PHTF2: variants seen among roughly 807,000 people sequenced by gnomAD.
PHTF2 encodes putative homeodomain transcription factor 2, also known as protein PHTF2.
In PHTF2, 60 loss-of-function variants were observed where a neutral mutation model predicts 101.2. The observed-to-expected ratio is 0.59, with a 90% CI of 0.48 to 0.73. PHTF2 has a LOEUF of 0.73. Among genes scored for constraint, PHTF2 ranks in the 30% least tolerant of loss-of-function variants. The pLI, the probability that PHTF2 is intolerant of heterozygous loss-of-function variation, is 0.00. For synonymous variants in PHTF2, 311 were observed against 307.3 expected, an observed-to-expected ratio of 1.01 and a Z score of -0.13; for missense variants, 747 against 908.7, an observed-to-expected ratio of 0.82 and a Z score of 2.29.
chr7:77,934,780 C>T (rs923526549), intron 12 of PHTF2, among the ~76,000 whole-genome samples: 1 of 151,940 alleles, frequency 6.6e-6, no homozygotes, highest in Non-Finnish European at 1.5e-5. Context: ...AACTCCATCT[C>T]TATTAAAAAT....
At chr7:77,812,790 T>C (rs760566175) in intron 1 of PHTF2, among the ~76,000 whole-genome samples, 9 of 152,142 alleles carry the variant, frequency 5.9e-5, no homozygotes, top group South Asian at 2.1e-4. Flanking sequence ...GGGGTTTCAC[T>C]GTGTTAGCCA....
intron 9 of PHTF2, among the ~76,000 whole-genome samples, chr7:77,911,512 G>A (rs1201641412): frequency 6.6e-6 from 1 of 152,134 alleles, no homozygotes; most frequent in Admixed American, 6.5e-5. Flanking sequence ...AAAATATTGA[G>A]TGTAACTGAT....
Position 77,868,322 on chromosome 7 carries a change from ATTTTTTT to A in PHTF2, c.147+13510_147+13516del, listed in dbSNP as rs761861776. ...CTCGCAAGTGGCTAATTAAAAAAAAATTTTTTTTTTTTTTTTTTTTTTTTTTTTGCAG... is the reference window on the plus strand; with the variant it reads ...CTCGCAAGTGGCTAATTAAAAAAAAATTTTTTTTTTTTTTTTTTTTTGCAG... On this transcript the variant is annotated intron_variant, in intron 3 of 19. Transcript: ENST00000416283. 5.3e-4 allele frequency among the ~76,000 whole-genome samples: 42 copies of A among 78,532 alleles called. 1 individual carries two copies. The highest frequency in any genetic ancestry group is 1.6e-3 in the East Asian group (4 of 2,444). 51.5% of individuals were successfully genotyped at this position (78,532 alleles called of 152,430 possible). A position where few individuals can be genotyped will look rare whatever the true frequency, so the allele number is the denominator to read the frequency against.
chr7:77,900,007 C>T (rs1801245959), intron 5 of PHTF2, among the ~76,000 whole-genome samples: 1 of 151,914 alleles, frequency 6.6e-6, no homozygotes, highest in South Asian at 2.1e-4. Context: ...TCTACACCCC[C>T]CACTCCACTC....
At chr7:77,831,197 G>A (rs1795052668) in intron 1 of PHTF2, among the ~76,000 whole-genome samples, 1 of 152,250 alleles carries the variant, frequency 6.6e-6, no homozygotes, top group Admixed American at 6.5e-5. Flanking sequence ...CACTTATCCT[G>A]CATTGAAAGA....
intron 1 of PHTF2, among the ~76,000 whole-genome samples, chr7:77,816,665 A>G (rs1402482599): frequency 6.6e-6 from 1 of 152,186 alleles, no homozygotes. Flanking sequence ...ACTAGAACTT[A>G]TTCTTCCTAT....
chr7:77,949,745 C>T (rs754784990), exon 17 of PHTF2: 4 of 1,555,490 alleles, frequency 2.6e-6, no homozygotes, highest in Non-Finnish European at 1.8e-6. Flanking sequence ...TGGTGCATCT[C>T]GTTAACACTT....
exon 15 of PHTF2, chr7:77,940,587 T>G (rs1308772990): frequency 6.2e-7 from 1 of 1,607,648 alleles, no homozygotes; most frequent in South Asian, 1.1e-5. Flanking sequence ...CTCGAAAATC[T>G]GAGGTTCCTC....
intron 1 of PHTF2, among the ~76,000 whole-genome samples, chr7:77,832,216 A>G (rs1273195242): frequency 6.6e-6 from 1 of 152,166 alleles, no homozygotes; most frequent in Non-Finnish European, 1.5e-5. Flanking sequence ...ATTCAAAGCC[A>G]AACTGGAATT....
intron 1 of PHTF2, among the ~76,000 whole-genome samples, chr7:77,816,953 T>C (rs1042450367): frequency 3.9e-5 from 6 of 152,244 alleles, no homozygotes; most frequent in African/African-American, 1.4e-4. Flanking sequence ...CCCATTTTCT[T>C]TATCCATTCA....
rs1231751706 is a variant in PHTF2 at position 77,953,540 on chromosome 7, C to A, written c.2212-229C>A. 2.6e-5 allele frequency among the ~76,000 whole-genome samples: 4 copies of A among 152,258 alleles called. No individual in the cohort carries two copies. The East Asian group carries it at 7.7e-4, about 29-fold the overall frequency. On this transcript the variant is annotated intron_variant, in intron 18 of 19. Coordinates refer to ENST00000416283, the Ensembl canonical transcript of PHTF2. ...GCTTAAGGGACAGAAATTGGAGTTA[C>A]ATATTTAGTCACAGAGTTCTTTTAA...
At chr7:77,897,293 A>ATTTTTTTTTTTTTTTTTTTTTTTTTTTTT (rs10687152) in intron 5 of PHTF2, among the ~76,000 whole-genome samples, 1 of 133,718 alleles carries the variant, frequency 7.5e-6, no homozygotes, top group African/African-American at 2.8e-5. Context: ...AGCCCATTTC[A>ATTTTTTTTTTTTTTTTTTTTTTTTTTTTT]TTTTTTTTTT....
intron 4 of PHTF2, 146 bp from the exon 4 acceptor site, chr7:77,893,836 G>A: frequency 1.5e-6 from 1 of 687,602 alleles, no homozygotes; most frequent in South Asian, 1.9e-5. Context: ...TCCTGATGTT[G>A]GTTTTTTCTT....
chr7:77,946,857 C>A (rs1261015569), intron 16 of PHTF2, among the ~76,000 whole-genome samples: 1 of 151,636 alleles, frequency 6.6e-6, no homozygotes, highest in Non-Finnish European at 1.5e-5. Flanking sequence ...GACAGTGACT[C>A]ATGGTTATAA....
chr7:77,820,945 C>T (rs1016320412), intron 1 of PHTF2, among the ~76,000 whole-genome samples: 2 of 152,018 alleles, frequency 1.3e-5, no homozygotes, highest in Non-Finnish European at 2.9e-5. Context: ...TATAGTTTCA[C>T]ATGTTTTTAT....
exon 11 of PHTF2, chr7:77,922,632 A>G: frequency 6.2e-7 from 1 of 1,608,722 alleles, no homozygotes. Flanking sequence ...GGATACCCAA[A>G]GGACAATAAC....
intron 3 of PHTF2, among the ~76,000 whole-genome samples, chr7:77,876,726 C>T (rs1798971447): frequency 1.3e-5 from 2 of 151,892 alleles, no homozygotes; most frequent in South Asian, 4.1e-4. Context: ...GATCCTGTCT[C>T]TACAAAATAA....
At chr7:77,839,827 T>G (rs1341411527) in intron 1 of PHTF2, among the ~76,000 whole-genome samples, 1 of 152,230 alleles carries the variant, frequency 6.6e-6, no homozygotes, top group Non-Finnish European at 1.5e-5. Context: ...TAAGCCATCC[T>G]TTAGCAATGG....
At position 77,922,741 on chromosome 7, in the gene PHTF2, G is replaced by A. The variant is rs182350515; in HGVS notation, c.1082G>A (p.Arg361Lys). The change falls in exon 11 of 20, where the codon AGA (arginine) becomes AAA (lysine). Residue 361 changes from arginine (R) to lysine (K), a missense_variant. Around this residue, in one of 6 missense-constraint regions of PHTF2, gnomAD observed 349 missense variants for 369.7 expected, o/e 0.94. Transcript: ENST00000416283. ...ACTTCTGAAGGTGTTCTTCGGAATAGAAAGTCACACCATTATAAGAAACAT... is the reference window on the plus strand; with the variant it reads ...ACTTCTGAAGGTGTTCTTCGGAATAAAAAGTCACACCATTATAAGAAACAT... 9,496 of 1,606,044 alleles carry A rather than the reference G, an allele frequency of 5.9e-3. 40 individuals carry two copies. Among genetic ancestry groups the A allele is most frequent in the Non-Finnish European group, 6.5e-3 (7,657 of 1,175,438 alleles).
Sources: gnomAD v4.1 joint callset for allele counts (sites outside exome capture counted in the v4.1 genomes callset) on GRCh38, gnomAD v4.1.1 for gene constraint, gnomAD v4.1.1 regional missense constraint, MANE v1.5 for transcripts, NCBI Gene and HGNC (gene_info 2026-07-23, HGNC 2026-07-21) for gene names.